Variants in TLN2 observed in about 807,000 individuals in gnomAD.
TLN2 encodes talin-2.
Under a neutral mutation model 294.7 loss-of-function variants are expected in TLN2, and 118 were observed. That is an observed-to-expected ratio of 0.40 (90% CI 0.34 to 0.47). The LOEUF (loss-of-function observed/expected upper bound fraction) is 0.47, where lower values mean the gene tolerates loss of function less well. Among genes scored for constraint, TLN2 ranks in the 20% least tolerant of loss-of-function variants. TLN2 has a pLI of 0.84. For missense variants in TLN2, 3,083 were observed against 3,282.2 expected, an observed-to-expected ratio of 0.94 and a Z score of 1.48; for synonymous variants, 1,431 against 1,304.5, an observed-to-expected ratio of 1.10 and a Z score of -2.09.
intron 48 of TLN2, among the ~76,000 whole-genome samples, chr15:62,797,655 G>A (rs548828937): frequency 5.9e-5 from 9 of 152,198 alleles, no homozygotes; most frequent in Non-Finnish European, 8.8e-5. Flanking sequence ...GGCCTGGCCC[G>A]GTGAAGGCTG....
chr15:62,792,412 G>A lies in TLN2; in HGVS notation c.5737-229G>A, dbSNP rs1443285715. Among the ~76,000 whole-genome samples, 3 of 152,168 alleles carry A rather than the reference G, an allele frequency of 2.0e-5. No homozygotes were observed. In the East Asian group the frequency reaches 5.8e-4, roughly 29 times the overall value. On this transcript the variant is annotated intron_variant, in intron 45 of 58. Coordinates refer to ENST00000636159, the MANE Select transcript of TLN2 (RefSeq NM_015059.3). Reference sequence around the variant, plus strand: ...ATGTATCAAGGAGGGTATCACGCTAGGACCTCAAGATACAGCCTTGCTAGG... The same window carrying A: ...ATGTATCAAGGAGGGTATCACGCTAAGACCTCAAGATACAGCCTTGCTAGG...
At chr15:62,835,838 G>T in intron 56 of TLN2, 39 bp downstream of exon 56, 1 of 1,614,168 alleles carries the variant, frequency 6.2e-7, no homozygotes, top group Non-Finnish European at 8.5e-7. Flanking sequence ...TGCTTTTGGG[G>T]TCCCCTGAGG....
rs528189959 is a variant in TLN2 at position 62,496,929 on chromosome 15, A to C, written c.-237-92758A>C. On this transcript the variant is annotated intron_variant, in intron 1 of 58. Transcript: ENST00000636159. ...TGTGTTCTGCCTTTATTGCATGTACACAGGCAGAGCACAGGCCTCTGCTCC... is the reference window on the plus strand; with the variant it reads ...TGTGTTCTGCCTTTATTGCATGTACCCAGGCAGAGCACAGGCCTCTGCTCC... 1.2e-3 allele frequency among the ~76,000 whole-genome samples: 180 copies of C among 152,304 alleles called. 1 individual carries two copies. Among genetic ancestry groups the C allele is most frequent in the African/African-American group, 4.3e-3 (177 of 41,570 alleles).
At chr15:62,501,157 G>A (rs1307791966) in intron 1 of TLN2, among the ~76,000 whole-genome samples, 1 of 152,196 alleles carries the variant, frequency 6.6e-6, no homozygotes, top group Non-Finnish European at 1.5e-5. Flanking sequence ...AGGAGCTTGG[G>A]ACAGGTAAGC....
At chr15:62,552,395 C>T (rs2042372130) in intron 1 of TLN2, among the ~76,000 whole-genome samples, 1 of 152,188 alleles carries the variant, frequency 6.6e-6, no homozygotes, top group South Asian at 2.1e-4. Context: ...TCAGGCATTG[C>T]TGTCATTCAT....
chr15:62,734,394 C>T (rs1006855676), intron 28 of TLN2, among the ~76,000 whole-genome samples: 1 of 152,166 alleles, frequency 6.6e-6, no homozygotes, highest in African/African-American at 2.4e-5. Flanking sequence ...TCTCCTAAAA[C>T]CCGTGAGAAA....
intron 28 of TLN2, among the ~76,000 whole-genome samples, chr15:62,733,171 G>T (rs555941460): frequency 6.6e-6 from 1 of 152,224 alleles, no homozygotes; most frequent in African/African-American, 2.4e-5. Context: ...AGAACATGGA[G>T]CTGTGGAGAG....
intron 25 of TLN2, among the ~76,000 whole-genome samples, chr15:62,721,670 G>A (rs1242584950): frequency 1.3e-5 from 2 of 152,008 alleles, no homozygotes; most frequent in African/African-American, 2.4e-5. Context: ...TTTATACAAA[G>A]AAAATTATAA....
At position 62,750,458 on chromosome 15, in the gene TLN2, T is replaced by G; in HGVS notation, c.4176T>G (p.Phe1392Leu). The change falls in exon 34 of 59, where the codon TTT becomes TTG. Residue 1392 changes from phenylalanine to leucine, a missense_variant. By Grantham distance (22) the Phe-to-Leu change is conservative. Transcript: ENST00000636159. ...PNEPVSDLSY[F>L]DCIESVMENS... ...AACCTGTTAGTGACCTCTCTTACTT[T>G]GACTGCATTGAGAGTGTGATGGAAA... 1.2e-6 allele frequency: 2 copies of G among 1,614,246 alleles called. No individual in the cohort carries two copies. Among genetic ancestry groups the G allele is most frequent in the South Asian group, 1.1e-5 (1 of 91,086 alleles).
chr15:62,704,952 A>T (rs1224526069), intron 19 of TLN2, among the ~76,000 whole-genome samples: 1 of 152,358 alleles, frequency 6.6e-6, no homozygotes, highest in Middle Eastern at 3.4e-3. Flanking sequence ...ATGTTCCCCA[A>T]AAGTATTAAT....
chr15:62,699,014 C>G (rs1388133250), intron 16 of TLN2, 147 bp downstream of exon 16: 3 of 738,170 alleles, frequency 4.1e-6, no homozygotes, highest in East Asian at 2.7e-5. Flanking sequence ...GTCTTTGCCT[C>G]TCAGTTGCAC....
chr15:62,580,221 A>G (rs1322535334), intron 1 of TLN2, among the ~76,000 whole-genome samples: 1 of 152,190 alleles, frequency 6.6e-6, no homozygotes, highest in Non-Finnish European at 1.5e-5. Flanking sequence ...TTTTGGGTTT[A>G]CAACAAAATT....
At chr15:62,527,679 C>T (rs532014371) in intron 1 of TLN2, among the ~76,000 whole-genome samples, 3 of 152,326 alleles carry the variant, frequency 2.0e-5, no homozygotes, top group African/African-American at 7.2e-5. Context: ...AATGCATGCA[C>T]AATTATGTCT....
intron 1 of TLN2, among the ~76,000 whole-genome samples, chr15:62,490,627 C>G (rs984089450): frequency 6.6e-6 from 1 of 152,004 alleles, no homozygotes; most frequent in African/African-American, 2.4e-5. Flanking sequence ...AGGAGCTTCT[C>G]GGTGTTGTGT....
chr15:62,675,058 G>T (rs576583820), intron 10 of TLN2, among the ~76,000 whole-genome samples, 159 bp from the exon 11 acceptor site: 26 of 152,262 alleles, frequency 1.7e-4, no homozygotes, highest in African/African-American at 6.3e-4. Context: ...CTGATCCTTG[G>T]TCAGCAGTTG....
chr15:62,689,843 C>CTCCTT (rs2057625352), intron 12 of TLN2, among the ~76,000 whole-genome samples: 1 of 16,972 alleles, frequency 5.9e-5, no homozygotes, highest in African/African-American at 1.0e-4. Context: ...TTGGTATGGG[C>CTCCTT]TTCTTTTTTT....
At chr15:62,439,501 C>T (rs960288859) in intron 1 of TLN2, among the ~76,000 whole-genome samples, 1 of 152,106 alleles carries the variant, frequency 6.6e-6, no homozygotes, top group East Asian at 1.9e-4. Flanking sequence ...TTAGTAGAGA[C>T]AGGGTTTAGT....
At chr15:62,545,925 G>A (rs889172890) in intron 1 of TLN2, among the ~76,000 whole-genome samples, 6 of 152,130 alleles carry the variant, frequency 3.9e-5, no homozygotes, top group African/African-American at 1.4e-4. Flanking sequence ...AGAGGACTTG[G>A]CAATGTCTCA....
Position 62,396,600 on chromosome 15 carries a change from AAAGT to A in TLN2, c.-238+5919_-238+5922del, listed in dbSNP as rs778253129. On this transcript the variant is annotated intron_variant, in intron 1 of 58. Transcript: ENST00000636159. ...TTTCCCTCTGCCCCAGGAGGTGGTG[AAAGT>A]AAGAGCTCAGGAAAGCTCTTACAAG... 2.0e-5 allele frequency among the ~76,000 whole-genome samples: 3 copies of A among 152,222 alleles called. No homozygotes were observed. The East Asian group carries it at 5.8e-4, about 29-fold the overall frequency.
Sources: gnomAD v4.1 joint callset for allele counts (sites outside exome capture counted in the v4.1 genomes callset) on GRCh38, gnomAD v4.1.1 for gene constraint, MANE v1.5 for transcripts, NCBI Gene and HGNC (gene_info 2026-07-23, HGNC 2026-07-21) for gene names.